SPSB1: variants seen among roughly 807,000 people sequenced by gnomAD.
The protein encoded by SPSB1 is splA/ryanodine receptor domain and SOCS box containing 1.
A neutral mutation model predicts 21.2 loss-of-function variants in SPSB1; 8 were observed. The observed-to-expected ratio is 0.38, with a 90% CI of 0.22 to 0.68. SPSB1 has a LOEUF of 0.68. Ranked by LOEUF, SPSB1 falls within the 30% of genes least tolerant of loss-of-function variation. The pLI, the probability that SPSB1 is intolerant of heterozygous loss-of-function variation, is 0.53. For missense variants in SPSB1, 242 were observed against 377.8 expected (o/e 0.64, Z 2.98); for synonymous variants, 169 against 161.7 (o/e 1.05, Z -0.34).
intron 1 of SPSB1, among the ~76,000 whole-genome samples, chr1:9,296,953 A>G (rs1354547812): frequency 1.3e-5 from 2 of 152,182 alleles, no homozygotes; most frequent in African/African-American, 4.8e-5. Flanking sequence ...AAATGAGTCC[A>G]GTGGTCATGA....
At position 9,367,650 on chromosome 1, in the gene SPSB1, C is replaced by A. The variant is rs1640600819; in HGVS notation, c.*75C>A. On this transcript the variant is annotated 3_prime_UTR_variant, in exon 3 of 3. Coordinates refer to ENST00000328089, the MANE Select transcript of SPSB1 (RefSeq NM_025106.4). This position sits in a 1 kb window ranked among gnomAD's most constrained non-coding sequence, Gnocchi z 5.9. ...GAGCCGCCTGCCGCTGGGGCCGCCGCACCCTGCACCTTGGACCGGCATCCG... is the reference window on the plus strand; with the variant it reads ...GAGCCGCCTGCCGCTGGGGCCGCCGAACCCTGCACCTTGGACCGGCATCCG... 1 of 1,501,914 alleles carries A rather than the reference C, an allele frequency of 6.7e-7. No homozygotes were observed. Among genetic ancestry groups the A allele is most frequent in the Non-Finnish European group, 8.9e-7 (1 of 1,122,282 alleles). The allele number at this position is 1,501,914 out of a possible 1,614,324, so 93.0% of individuals were successfully genotyped here.
In SPSB1 at chr1:9,368,575, T is replaced by C. The variant is rs1053175164; in HGVS notation, c.*1000T>C. 6.6e-6 allele frequency: 1 copy of C among 152,056 alleles called. No individual in the cohort carries two copies. Among genetic ancestry groups the C allele is most frequent in the African/African-American group, 2.4e-5 (1 of 41,396 alleles). 9.4% of individuals were successfully genotyped at this position (152,056 alleles called of 1,614,324 possible). On this transcript the variant is annotated 3_prime_UTR_variant, in exon 3 of 3. Transcript: ENST00000328089. ...CATTTCTTTAGTCTTCTGTGGGTCT[T>C]TTGATGTGGGTTTGATTTTGCTTTT...
chr1:9,332,931 A>C (rs1215169422), intron 1 of SPSB1, among the ~76,000 whole-genome samples: 1 of 152,206 alleles, frequency 6.6e-6, no homozygotes, highest in Non-Finnish European at 1.5e-5. Context: ...TGGCAGCAGG[A>C]GAGGGCATCG....
chr1:9,343,816 C>T (rs1417308572), intron 1 of SPSB1, among the ~76,000 whole-genome samples: 7 of 152,030 alleles, frequency 4.6e-5, no homozygotes, highest in African/African-American at 7.2e-5. Context: ...GACAGAGTCT[C>T]GCTCTGTTGC....
intron 1 of SPSB1, among the ~76,000 whole-genome samples, chr1:9,338,627 C>T (rs977167586): frequency 1.3e-5 from 2 of 152,276 alleles, no homozygotes; most frequent in African/African-American, 2.4e-5. Context: ...TTGGTCACAG[C>T]TGGAAAAGGG....
rs188418493 is a variant in SPSB1, at chr1:9,345,628, A to G, written c.-149-10115A>G. Among the ~76,000 whole-genome samples, 407 of 152,264 alleles carry G rather than the reference A, an allele frequency of 2.7e-3. 1 individual carries two copies. Among genetic ancestry groups the G allele is most frequent in the Non-Finnish European group, 4.3e-3 (292 of 68,020 alleles). ...ATTGTAATTTTCAGTCTGTTTGACT[A>G]TCATGCTGGTTTCCCAGGCCATGGC... On this transcript the variant is annotated intron_variant, in intron 1 of 2. Transcript: ENST00000328089. This position sits in a 1 kb window ranked among gnomAD's most constrained non-coding sequence, Gnocchi z 4.8.
At position 9,312,444 on chromosome 1, in the gene SPSB1, A is replaced by G. The variant is rs141503915; in HGVS notation, c.-150+19373A>G. Among the ~76,000 whole-genome samples the G allele has an allele frequency of 2.1e-3, 324 of 152,314 alleles. 2 individuals are homozygous for G. Among genetic ancestry groups the G allele is most frequent in the African/African-American group, 7.6e-3 (314 of 41,566 alleles). On this transcript the variant is annotated intron_variant, in intron 1 of 2. Coordinates refer to ENST00000328089, the MANE Select transcript of SPSB1 (RefSeq NM_025106.4). The stretch of plus-strand genomic sequence containing the variant: ...CCTGTGGAGGTATTATGCACACGCC[A>G]CGCAGTTCGCCTATTGTAAATGTAC...
chr1:9,307,272 C>T (rs1370638426), intron 1 of SPSB1, among the ~76,000 whole-genome samples: 3 of 152,108 alleles, frequency 2.0e-5, no homozygotes, highest in South Asian at 2.1e-4. Flanking sequence ...TAAAATGAGC[C>T]ATTTTAAAGT....
chr1:9,367,776 C>T lies in SPSB1; in HGVS notation c.*201C>T. 1 of 773,552 alleles carries T rather than the reference C, an allele frequency of 1.3e-6. No individual in the cohort carries two copies. 47.9% of individuals were successfully genotyped at this position (773,552 alleles called of 1,614,324 possible). A position where few individuals can be genotyped will look rare whatever the true frequency, so the allele number is the denominator to read the frequency against. ...CAGGCTCCTCTTTCCCCCTTCCCGA[C>T]ATCAGCAGAAGGCAGCATCCCTGCA... is the stretch of plus-strand genomic sequence containing the variant. On this transcript the variant is annotated 3_prime_UTR_variant, in exon 3 of 3. Coordinates refer to ENST00000328089, the MANE Select transcript of SPSB1 (RefSeq NM_025106.4). The surrounding 1 kb of genome is among the most constrained non-coding windows in gnomAD (Gnocchi z 5.9).
chr1:9,322,990 G>T (rs1008272426), intron 1 of SPSB1, among the ~76,000 whole-genome samples: 1 of 152,048 alleles, frequency 6.6e-6, no homozygotes, highest in East Asian at 1.9e-4. Flanking sequence ...TTCCCGTGCC[G>T]CCAGCACTGA....
Position 9,363,030 on chromosome 1 carries a change from G to T in SPSB1, c.695-4418G>T, listed in dbSNP as rs1640505876. Among the ~76,000 whole-genome samples, 1 of 152,198 alleles carries T rather than the reference G, an allele frequency of 6.6e-6. No individual in the cohort carries two copies. The highest frequency in any genetic ancestry group is 2.4e-5 in the African/African-American group (1 of 41,448). ...GCTGGAGCTGGGTGCAAAGCTGGCA[G>T]CCCCCAGTCAAGAGTGTGGAGGTTG... On this transcript the variant is annotated intron_variant, in intron 2 of 2. Coordinates refer to ENST00000328089, the MANE Select transcript of SPSB1 (RefSeq NM_025106.4). The surrounding 1 kb of genome is among the most constrained non-coding windows in gnomAD (Gnocchi z 4.5).
At chr1:9,333,238 C>G (rs757411749) in intron 1 of SPSB1, among the ~76,000 whole-genome samples, 2 of 152,090 alleles carry the variant, frequency 1.3e-5, no homozygotes, top group African/African-American at 2.4e-5. Flanking sequence ...GTCCCTAATT[C>G]TTAGCCATTT....
intron 1 of SPSB1, among the ~76,000 whole-genome samples, chr1:9,301,459 C>T (rs1639327967): frequency 6.6e-6 from 1 of 152,202 alleles, no homozygotes; most frequent in Admixed American, 6.5e-5. Flanking sequence ...GTGATTGCTC[C>T]AGCCTGGGCA....
At chr1:9,323,149 G>A (rs1042139483) in intron 1 of SPSB1, among the ~76,000 whole-genome samples, 1 of 152,222 alleles carries the variant, frequency 6.6e-6, no homozygotes, top group African/African-American at 2.4e-5. Flanking sequence ...CCTTCCTGCT[G>A]CCATGTTGGA....
chr1:9,319,606 A>C (rs1055448377), intron 1 of SPSB1, among the ~76,000 whole-genome samples: 2 of 152,106 alleles, frequency 1.3e-5, no homozygotes, highest in African/African-American at 4.8e-5. Flanking sequence ...GCTGTGTCTC[A>C]CGGTGGCTGA....
chr1:9,362,884 G>A (rs539498182), intron 2 of SPSB1, among the ~76,000 whole-genome samples: 1 of 152,374 alleles, frequency 6.6e-6, no homozygotes, highest in East Asian at 1.9e-4. Context: ...CTCATTCACA[G>A]AAATTATTTA....
At position 9,367,457 on chromosome 1, in the gene SPSB1, T is replaced by C; in HGVS notation, c.704T>C (p.Leu235Pro). Residue 235 changes from leucine (L) to proline (P), a missense_variant, in exon 3 of 3, where the codon CTG (leucine) becomes CCG (proline). Leu to Pro is a moderately conservative substitution (Grantham distance 98, BLOSUM62 -3). Transcript: ENST00000328089. The surrounding 1 kb of genome is among the most constrained non-coding windows in gnomAD (Gnocchi z 5.9). ...TTCTCTGTCTCCCCAGCCGAGCCGC[T>C]GCCGCTCATGGATTTGTGCCGTCGC... ...RYLNGLDPEP[L>P]PLMDLCRRSV... 2 of 1,613,760 alleles carry C rather than the reference T, an allele frequency of 1.2e-6. No homozygotes were observed. The highest frequency in any genetic ancestry group is 1.7e-6 in the Non-Finnish European group (2 of 1,179,958).
In SPSB1 at chr1:9,324,976, G is replaced by C. The variant is rs114267463; in HGVS notation, c.-149-30767G>C. 6.6e-6 allele frequency among the ~76,000 whole-genome samples: 1 copy of C among 152,194 alleles called. No homozygotes were observed. Among genetic ancestry groups the C allele is most frequent in the Non-Finnish European group, 1.5e-5 (1 of 68,022 alleles). The stretch of plus-strand genomic sequence containing the variant: ...TGGTGGATCGGAGGCGCCTGTGAGC[G>C]GGTCAGTACTGGGTAGGCAGCCCCA... On this transcript the variant is annotated intron_variant, in intron 1 of 2. Coordinates refer to ENST00000328089, the MANE Select transcript of SPSB1 (RefSeq NM_025106.4). This position sits in a 1 kb window ranked among gnomAD's most constrained non-coding sequence, Gnocchi z 4.3.
chr1:9,365,982 C>T (rs1017607069), intron 2 of SPSB1, among the ~76,000 whole-genome samples: 2 of 152,224 alleles, frequency 1.3e-5, no homozygotes, highest in African/African-American at 4.8e-5. Flanking sequence ...CAGGGCCGCG[C>T]AGCCTTCCAA....
Sources: gnomAD v4.1 joint callset for allele counts (sites outside exome capture counted in the v4.1 genomes callset) on GRCh38, gnomAD v4.1.1 for gene constraint, Gnocchi (gnomAD v3.1) non-coding constraint, MANE v1.5 for transcripts, NCBI Gene and HGNC (gene_info 2026-07-23, HGNC 2026-07-21) for gene names.